The following INSL6 variants were observed in gnomAD, a reference collection of about 807,000 sequenced individuals.
INSL6 encodes insulin like 6, also known as insulin-like peptide INSL6.
A neutral mutation model predicts 9.4 loss-of-function variants in INSL6; 16 were observed. The ratio of observed to expected loss-of-function variants is 1.70; its 90% CI spans 1.15 to 2.59. The LOEUF (loss-of-function observed/expected upper bound fraction) is 2.59. INSL6 is among the 30% of genes most tolerant of loss of function. The pLI, the probability that INSL6 is intolerant of heterozygous loss-of-function variation, is 0.00. For synonymous variants in INSL6, 154 were observed against 96.9 expected (o/e 1.59, Z -3.46); for missense variants, 391 against 257.3 (o/e 1.52, Z -3.56).
chr9:5,124,673 G>C (rs962028363), intron 3 of INSL6, among the ~76,000 whole-genome samples: 1 of 151,832 alleles, frequency 6.6e-6, no homozygotes, highest in African/African-American at 2.4e-5. Flanking sequence ...TAAGGCTACA[G>C]TAACCAAAGC....
At chr9:5,009,928 C>G in the INSL6 span, among the ~76,000 whole-genome samples, 98 of 152,256 alleles carry the variant, frequency 6.4e-4, no homozygotes, top group Non-Finnish European at 1.1e-3. Flanking sequence ...ACACTACATG[C>G]TGGCTAATTT....
At chr9:5,085,446 G>T in the INSL6 span, 15 of 740,314 alleles carry the variant, frequency 2.0e-5, no homozygotes, top group Non-Finnish European at 3.3e-5. Flanking sequence ...CAGTATTCTT[G>T]AAGGTCTTTT....
rs1195869029 is a variant in INSL6, at chr9:5,179,847, GGGCC to G, written c.289+5463_289+5466del. 1.5e-4 allele frequency among the ~76,000 whole-genome samples: 23 copies of G among 152,304 alleles called. 2 individuals are homozygous for G. Among genetic ancestry groups the G allele is most frequent in the African/African-American group, 5.3e-4 (22 of 41,576 alleles). The stretch of plus-strand genomic sequence containing the variant: ...ACACACACTGGGGCCTGCCTGACAG[GGGCC>G]CTGGGGGAAGGGAAAGTATCAGGAG... On this transcript the variant is annotated intron_variant, in intron 1 of 1. Coordinates refer to ENST00000381641, the MANE Select transcript of INSL6 (RefSeq NM_007179.3).
At chr9:5,038,888 A>G in the INSL6 span, among the ~76,000 whole-genome samples, 1 of 152,146 alleles carries the variant, frequency 6.6e-6, no homozygotes, top group Non-Finnish European at 1.5e-5. Context: ...CCACATTAAT[A>G]GAATAAATGA....
the INSL6 span, chr9:5,073,566 C>A: frequency 1.4e-6 from 1 of 699,564 alleles, no homozygotes; most frequent in African/African-American, 1.8e-5. Flanking sequence ...GGGACCAAAG[C>A]ACATTGTATC....
At chr9:5,155,765 G>A (rs563996874) in intron 2 of INSL6, among the ~76,000 whole-genome samples, 1 of 136,802 alleles carries the variant, frequency 7.3e-6, no homozygotes, top group Non-Finnish European at 1.6e-5. Flanking sequence ...ACCGGGGCCT[G>A]TTTGGGGGTG....
At chr9:5,181,945 A>T (rs1407134268) in intron 1 of INSL6, among the ~76,000 whole-genome samples, 1 of 152,234 alleles carries the variant, frequency 6.6e-6, no homozygotes, top group East Asian at 1.9e-4. Context: ...TGACATAGAT[A>T]TGAGGACACA....
At chr9:5,017,358 C>T in the INSL6 span, among the ~76,000 whole-genome samples, 1 of 152,176 alleles carries the variant, frequency 6.6e-6, no homozygotes, top group Admixed American at 6.6e-5. Flanking sequence ...TGGGCACAAA[C>T]TGATAAAATT....
At chr9:5,026,439 G>A in the INSL6 span, among the ~76,000 whole-genome samples, 8 of 152,234 alleles carry the variant, frequency 5.3e-5, no homozygotes, top group South Asian at 2.1e-4. Flanking sequence ...GTAGACGGTC[G>A]TGTTAATAAT....
the INSL6 span, chr9:5,072,709 C>G: frequency 9.6e-7 from 1 of 1,046,476 alleles, no homozygotes; most frequent in Non-Finnish European, 1.3e-6. Flanking sequence ...CTCATGTGTG[C>G]AGCTTTTCAA....
chr9:5,071,030 C>G, the INSL6 span, among the ~76,000 whole-genome samples: 67 of 152,244 alleles, frequency 4.4e-4, 1 homozygote, highest in Admixed American at 3.5e-3. Flanking sequence ...GGAATATTGT[C>G]ATTTTTAACT....
At chr9:5,030,089 T>C in the INSL6 span, among the ~76,000 whole-genome samples, 873 of 152,340 alleles carry the variant, frequency 5.7e-3, 13 homozygotes, top group African/African-American at 0.02. Flanking sequence ...ATACATGTTG[T>C]GTAAGTAGAA....
the INSL6 span, among the ~76,000 whole-genome samples, chr9:5,035,803 C>T: frequency 6.6e-6 from 1 of 152,116 alleles, no homozygotes; most frequent in South Asian, 2.1e-4. Flanking sequence ...TGGAAGCATT[C>T]CCTTTGAAAA....
chr9:5,064,922 G>A, the INSL6 span: 30 of 1,594,312 alleles, frequency 1.9e-5, no homozygotes, highest in African/African-American at 2.7e-5. Context: ...TTTGTCTTTC[G>A]TGTCATTAAT....
At chr9:5,148,282 G>T (rs905360403) in intron 2 of INSL6, among the ~76,000 whole-genome samples, 1 of 152,188 alleles carries the variant, frequency 6.6e-6, no homozygotes, top group Admixed American at 6.5e-5. Context: ...TGGTTACGTA[G>T]AGAGGAGAAT....
chr9:5,064,618 A>C, the INSL6 span, among the ~76,000 whole-genome samples: 2 of 152,250 alleles, frequency 1.3e-5, no homozygotes, highest in African/African-American at 4.8e-5. Context: ...GATAACTGGT[A>C]TATTAGTCTA....
chr9:5,098,015 A>G, the INSL6 span: 3 of 152,182 alleles, frequency 2.0e-5, no homozygotes, highest in African/African-American at 4.8e-5. Flanking sequence ...ATGAAATATT[A>G]TCTCATCCTT....
Position 5,164,045 on chromosome 9 carries a change from T to A in INSL6, c.510A>T (p.Lys170Asn). The change falls in exon 2 of 2, where the codon AAA (lysine) becomes AAT (asparagine). Residue 170 changes from lysine (K) to asparagine (N), a missense_variant. By Grantham distance (94) the Lys-to-Asn change is moderately conservative (BLOSUM62 0). Coordinates refer to ENST00000381641, the MANE Select transcript of INSL6 (RefSeq NM_007179.3). ...NLFWGHHPQR[K>N]RRGYSEKCCL... ...AACACTTTTCTGAATATCCTCTGCG[T>A]TTTCTTTGGGGATGATGCCCCCAAA... 1 of 1,613,798 alleles carries A rather than the reference T, an allele frequency of 6.2e-7. No homozygotes were observed. Among genetic ancestry groups the A allele is most frequent in the African/African-American group, 1.3e-5 (1 of 75,050 alleles).
chr9:5,155,304 A>T (rs1824792992), intron 2 of INSL6, among the ~76,000 whole-genome samples: 1 of 134,014 alleles, frequency 7.5e-6, no homozygotes. Context: ...GAAGGGGAAC[A>T]TCACACACTG....
Sources: gnomAD v4.1 joint callset for allele counts (sites outside exome capture counted in the v4.1 genomes callset) on GRCh38, gnomAD v4.1.1 for gene constraint, MANE v1.5 for transcripts, NCBI Gene and HGNC (gene_info 2026-07-23, HGNC 2026-07-21) for gene names.